The following BCR variants were observed in gnomAD, a reference collection of about 807,000 sequenced individuals.
BCR encodes BCR activator of RhoGEF and GTPase.
In BCR, 58 loss-of-function variants were observed where a neutral mutation model predicts 138.6. That is an observed-to-expected ratio of 0.42 (90% confidence interval 0.34 to 0.52). The LOEUF (loss-of-function observed/expected upper bound fraction) is 0.52. Ranked by LOEUF, BCR falls within the 20% of genes least tolerant of loss-of-function variation. The pLI, the probability that BCR is intolerant of heterozygous loss-of-function variation, is 0.06. For missense variants in BCR, 1,599 were observed against 1,727.2 expected (o/e 0.93, Z 1.32); for synonymous variants, 786 against 730.1 (o/e 1.08, Z -1.23).
intron 10 of BCR, among the ~76,000 whole-genome samples, 184 bp from the exon 11 acceptor site, chr22:23,286,975 A>AC (rs2073721140): frequency 6.6e-6 from 1 of 152,222 alleles, no homozygotes; most frequent in South Asian, 2.1e-4. Flanking sequence ...CCTGTAAAAA[A>AC]GCTGTTTCTG....
chr22:23,256,569 G>T (rs915357949), intron 2 of BCR, among the ~76,000 whole-genome samples: 2 of 152,136 alleles, frequency 1.3e-5, no homozygotes, highest in African/African-American at 2.4e-5. Flanking sequence ...ACCTGCCCTT[G>T]CCCAGAGCAA....
chr22:23,307,265 C>T (rs1352812813), intron 16 of BCR, among the ~76,000 whole-genome samples: 1 of 147,098 alleles, frequency 6.8e-6, no homozygotes, highest in Non-Finnish European at 1.5e-5. Flanking sequence ...TTGGCTAATG[C>T]TTTTGAAAAT....
At chr22:23,219,149 G>A (rs1176689557) in intron 1 of BCR, among the ~76,000 whole-genome samples, 2 of 152,200 alleles carry the variant, frequency 1.3e-5, no homozygotes, top group South Asian at 2.1e-4. Flanking sequence ...TAATCCAGGG[G>A]GAGGGGAGAA....
intron 2 of BCR, among the ~76,000 whole-genome samples, chr22:23,256,250 G>C (rs544676221): frequency 6.6e-6 from 1 of 152,116 alleles, no homozygotes; most frequent in Non-Finnish European, 1.5e-5. Context: ...CCTCCTGCAC[G>C]CCACCCACCC....
chr22:23,181,138 C>G lies in BCR; in HGVS notation c.178C>G (p.Gln60Glu). 1 of 1,478,844 alleles carries G rather than the reference C, an allele frequency of 6.8e-7. No individual in the cohort carries two copies. The highest frequency in any genetic ancestry group is 9.1e-7 in the Non-Finnish European group (1 of 1,104,512). 91.6% of individuals were successfully genotyped at this position (1,478,844 alleles called of 1,614,324 possible). The change falls in exon 1 of 23, where the codon CAG becomes GAG. Residue 60 changes from glutamine (Q) to glutamate (E), a missense_variant. Gln to Glu is a conservative substitution (Grantham distance 29). Around this residue, in one of 4 missense-constraint regions of BCR, gnomAD observed 806 missense variants for 635.0 expected, o/e 1.27. Coordinates refer to ENST00000305877, the MANE Select transcript of BCR (RefSeq NM_004327.4). ...GGAGCGCTTCCGCATGATCTACCTGCAGACGTTGCTGGCCAAGGAAAAGAA... is the reference window on the plus strand; with the variant it reads ...GGAGCGCTTCCGCATGATCTACCTGGAGACGTTGCTGGCCAAGGAAAAGAA... ...NQERFRMIYL[Q>E]TLLAKEKKSY...
intron 1 of BCR, among the ~76,000 whole-genome samples, chr22:23,192,078 C>T (rs2072422412): frequency 6.6e-6 from 1 of 152,190 alleles, no homozygotes; most frequent in South Asian, 2.1e-4. Flanking sequence ...CATTCATAGA[C>T]CCACCTTCCT....
At chr22:23,252,342 A>G (rs1366138502) in intron 1 of BCR, among the ~76,000 whole-genome samples, 1 of 151,812 alleles carries the variant, frequency 6.6e-6, no homozygotes, top group Non-Finnish European at 1.5e-5. Flanking sequence ...ATCAGACCCC[A>G]TGGGCAGGTG....
At chr22:23,286,645 G>A (rs1436510290) in intron 10 of BCR, among the ~76,000 whole-genome samples, 1 of 152,124 alleles carries the variant, frequency 6.6e-6, no homozygotes, top group South Asian at 2.1e-4. Flanking sequence ...TCCTCCCCAG[G>A]GATAGTGGCT....
chr22:23,181,193 G>A lies in BCR; in HGVS notation c.233G>A (p.Arg78Gln). 7.6e-7 allele frequency: 1 copy of A among 1,323,460 alleles called. No homozygotes were observed. Among genetic ancestry groups the A allele is most frequent in the East Asian group, 3.3e-5 (1 of 30,256 alleles). The allele number at this position is 1,323,460 out of a possible 1,614,324, so 82.0% of individuals were successfully genotyped here. ...TATGACCGGCAGCGATGGGGCTTCC[G>A]GCGCGCGGCGCAGGCCCCCGACGGC... ...KSYDRQRWGF[R>Q]RAAQAPDGAS... The change falls in exon 1 of 23, where the codon CGG becomes CAG. Residue 78 changes from arginine (R) to glutamine (Q), a missense_variant. Arg to Gln is a conservative substitution (Grantham distance 43, BLOSUM62 1). Around this residue, in one of 4 missense-constraint regions of BCR, gnomAD observed 806 missense variants for 635.0 expected, o/e 1.27. Coordinates refer to ENST00000305877, the MANE Select transcript of BCR (RefSeq NM_004327.4).
intron 1 of BCR, among the ~76,000 whole-genome samples, chr22:23,241,112 G>A (rs1006648058): frequency 6.6e-6 from 1 of 152,216 alleles, no homozygotes; most frequent in South Asian, 2.1e-4. Context: ...CCACCTCTTG[G>A]CCATTGTGGA....
At position 23,316,548 on chromosome 22, in the gene BCR, T is replaced by C. The variant is rs3876093; in HGVS notation, c.*1026T>C. On this transcript the variant is annotated 3_prime_UTR_variant, in exon 23 of 23. Transcript: ENST00000305877. ...TTTTATACATAGTTTCTAATTTTTT[T>C]CCGAACAGATCCAGATACCTAATAA... is the stretch of plus-strand genomic sequence containing the variant. The C allele has an allele frequency of 5.4e-4, 100 of 184,826 alleles. No individual in the cohort carries two copies. The highest frequency in any genetic ancestry group is 1.6e-3 in the African/African-American group (55 of 35,218). 11.4% of individuals were successfully genotyped at this position (184,826 alleles called of 1,614,324 possible).
At chr22:23,190,931 T>G (rs1018976497) in intron 1 of BCR, among the ~76,000 whole-genome samples, 39 of 152,260 alleles carry the variant, frequency 2.6e-4, no homozygotes, top group African/African-American at 9.4e-4. Flanking sequence ...ATTTAAAATT[T>G]ATTACCTTTT....
rs1258552370 is a variant in BCR at position 23,283,974 on chromosome 22, C to T, written c.2116-3C>T. 6.3e-7 allele frequency: 1 copy of T among 1,590,970 alleles called. No individual in the cohort carries two copies. Among genetic ancestry groups the T allele is most frequent in the South Asian group, 1.1e-5 (1 of 87,682 alleles). ...CTGACCCCAGCCTTCCCTGTGCCTG[C>T]AGCACCGGCAGCTGCTGAAGGACAG... is the stretch of plus-strand genomic sequence containing the variant. On this transcript the variant is annotated splice_polypyrimidine_tract_variant and splice_region_variant and intron_variant, in intron 8 of 22. Coordinates refer to ENST00000305877, the MANE Select transcript of BCR (RefSeq NM_004327.4).
intron 1 of BCR, among the ~76,000 whole-genome samples, chr22:23,205,224 C>T (rs535697169): frequency 6.6e-6 from 1 of 152,236 alleles, no homozygotes; most frequent in East Asian, 1.9e-4. Flanking sequence ...TGGAGATGGG[C>T]TGGTCAGTCT....
chr22:23,295,940 C>G (rs1401786475), intron 16 of BCR, among the ~76,000 whole-genome samples: 1 of 152,114 alleles, frequency 6.6e-6, no homozygotes, highest in African/African-American at 2.4e-5. Flanking sequence ...GTACAGCTCT[C>G]TCTTCCCAGG....
chr22:23,287,379 A>G (rs2073727991), intron 11 of BCR, 101 bp downstream of exon 11: 10 of 1,428,998 alleles, frequency 7.0e-6, no homozygotes, highest in Non-Finnish European at 9.2e-6. Flanking sequence ...CCCCACTCTG[A>G]GAGAGGCATG....
At chr22:23,238,872 G>C (rs531769638) in intron 1 of BCR, among the ~76,000 whole-genome samples, 2 of 150,730 alleles carry the variant, frequency 1.3e-5, no homozygotes. Context: ...GCTTGCAAGG[G>C]GGGTGGGGGG....
In BCR at chr22:23,181,252, C is replaced by G; in HGVS notation, c.292C>G (p.Gln98Glu). 1 of 1,244,662 alleles carries G rather than the reference C, an allele frequency of 8.0e-7. No homozygotes were observed. Among genetic ancestry groups the G allele is most frequent in the South Asian group, 3.4e-5 (1 of 29,716 alleles). The allele number at this position is 1,244,662 out of a possible 1,614,324, so 77.1% of individuals were successfully genotyped here. A position where few individuals can be genotyped will look rare whatever the true frequency, so the allele number is the denominator to read the frequency against. The change falls in exon 1 of 23, where the codon CAG (glutamine) becomes GAG (glutamate). Residue 98 changes from glutamine to glutamate, a missense_variant. By Grantham distance (29) the Gln-to-Glu change is conservative. Coordinates refer to ENST00000305877, the MANE Select transcript of BCR (RefSeq NM_004327.4). ...GCCCCGAGCGTCCGCGTCGCGCCCG[C>G]AGCCAGCGCCCGCCGACGGAGCCGA... Reference protein sequence around the residue: ...SEPRASASRPQPAPADGADPP... With the variant: ...SEPRASASRPEPAPADGADPP...
intron 1 of BCR, among the ~76,000 whole-genome samples, chr22:23,224,706 A>G (rs2072867371): frequency 1.3e-5 from 2 of 152,124 alleles, no homozygotes; most frequent in Admixed American, 1.3e-4. Context: ...ACACAGTGAA[A>G]CCCTGTCTCT....
Sources: allele counts gnomAD v4.1 joint callset (sites outside exome capture counted in the v4.1 genomes callset), GRCh38; gene constraint gnomAD v4.1.1; regional missense constraint gnomAD v4.1.1; transcripts MANE v1.5; gene names NCBI Gene and HGNC (gene_info 2026-07-23, HGNC 2026-07-21).